ARB2A: variants seen among roughly 807,000 people sequenced by gnomAD.
ARB2A encodes the protein ARB2 cotranscriptional regulator A.
the ARB2A span, among the ~76,000 whole-genome samples, chr5:93,950,339 T>C: frequency 6.6e-6 from 1 of 152,218 alleles, no homozygotes; most frequent in Non-Finnish European, 1.5e-5. Context: ...ACCAACAGTG[T>C]ACAAAGGTTT....
the ARB2A span, among the ~76,000 whole-genome samples, chr5:94,109,749 G>A: frequency 6.6e-6 from 1 of 151,768 alleles, no homozygotes; most frequent in African/African-American, 2.4e-5. Flanking sequence ...TACTTGCGGA[G>A]CTCACTCCCT....
At chr5:93,643,581 G>A in the ARB2A span, among the ~76,000 whole-genome samples, 31 of 152,040 alleles carry the variant, frequency 2.0e-4, no homozygotes, top group Non-Finnish European at 3.8e-4. Flanking sequence ...TGCAACCTCC[G>A]CCTCCTGGGT....
chr5:93,659,512 C>G, the ARB2A span, among the ~76,000 whole-genome samples: 1 of 152,216 alleles, frequency 6.6e-6, no homozygotes, highest in East Asian at 1.9e-4. Flanking sequence ...CCAAAAGAAG[C>G]AGACATTATC....
At chr5:94,099,623 T>TAA in the ARB2A span, among the ~76,000 whole-genome samples, 1 of 22,154 alleles carries the variant, frequency 4.5e-5, no homozygotes. Flanking sequence ...TGACTCCGTC[T>TAA]CAAAAAAAAA....
At chr5:93,763,764 C>A in the ARB2A span, among the ~76,000 whole-genome samples, 2 of 152,182 alleles carry the variant, frequency 1.3e-5, no homozygotes, top group African/African-American at 4.8e-5. Flanking sequence ...AGCACCGCAG[C>A]ACACCTATTC....
the ARB2A span, among the ~76,000 whole-genome samples, chr5:94,061,487 C>T: frequency 2.0e-5 from 3 of 152,216 alleles, no homozygotes; most frequent in East Asian, 1.9e-4. Flanking sequence ...ATAAAAGGCA[C>T]ATAGATTTGA....
chr5:93,876,701 A>G, the ARB2A span, among the ~76,000 whole-genome samples: 1 of 152,104 alleles, frequency 6.6e-6, no homozygotes, highest in African/African-American at 2.4e-5. Flanking sequence ...AAAATAAAAT[A>G]GTTTCAGAAA....
chr5:93,889,275 T>C, the ARB2A span, among the ~76,000 whole-genome samples: 2 of 151,886 alleles, frequency 1.3e-5, no homozygotes, highest in South Asian at 4.1e-4. Context: ...TGTTTGAGGA[T>C]GTGTGTTTGT....
the ARB2A span, among the ~76,000 whole-genome samples, chr5:93,722,711 C>G: frequency 1.3e-5 from 2 of 152,066 alleles, no homozygotes; most frequent in African/African-American, 4.8e-5. Context: ...AAGGGGTTAA[C>G]TACACCTCAT....
the ARB2A span, among the ~76,000 whole-genome samples, chr5:93,640,005 C>A: frequency 4.3e-5 from 6 of 140,890 alleles, no homozygotes; most frequent in South Asian, 1.3e-3. Context: ...TGCAGTGAGC[C>A]GAGATCGTGT....
the ARB2A span, among the ~76,000 whole-genome samples, chr5:93,838,525 T>C: frequency 6.6e-6 from 1 of 151,848 alleles, no homozygotes; most frequent in Non-Finnish European, 1.5e-5. Context: ...GTTCTTTTTC[T>C]GTGACAGTGC....
chr5:93,736,770 A>G, the ARB2A span: 2 of 152,292 alleles, frequency 1.3e-5, no homozygotes, highest in East Asian at 1.9e-4. Context: ...CCTCGCATAT[A>G]AAACATTCAA....
At chr5:93,852,775 C>T in the ARB2A span, among the ~76,000 whole-genome samples, 7 of 151,992 alleles carry the variant, frequency 4.6e-5, no homozygotes, top group South Asian at 2.1e-4. Flanking sequence ...AGATATGCGG[C>T]GTTATTTCTG....
chr5:94,009,205 G>A, the ARB2A span, among the ~76,000 whole-genome samples: 109 of 152,064 alleles, frequency 7.2e-4, no homozygotes, highest in Non-Finnish European at 9.3e-4. Context: ...ATTTACAATA[G>A]TAATAAAGGA....
the ARB2A span, among the ~76,000 whole-genome samples, chr5:93,886,136 C>T: frequency 6.6e-6 from 1 of 151,656 alleles, no homozygotes; most frequent in East Asian, 1.9e-4. Context: ...GACTTATCCA[C>T]GTTAATTTAC....
chr5:93,897,573 A>C, the ARB2A span, among the ~76,000 whole-genome samples: 1 of 151,998 alleles, frequency 6.6e-6, no homozygotes, highest in Non-Finnish European at 1.5e-5. Context: ...AAGCTTAAAA[A>C]GTAGTTTTGA....
chr5:93,956,905 A>G, the ARB2A span, among the ~76,000 whole-genome samples: 1 of 152,200 alleles, frequency 6.6e-6, no homozygotes, highest in Admixed American at 6.5e-5. Flanking sequence ...TTACCATAAT[A>G]ATGTTCATAT....
At chr5:93,843,975 A>G in the ARB2A span, among the ~76,000 whole-genome samples, 1 of 152,146 alleles carries the variant, frequency 6.6e-6, no homozygotes, top group African/African-American at 2.4e-5. Context: ...ATATATGTAT[A>G]GAAAGGTACA....
the ARB2A span, among the ~76,000 whole-genome samples, chr5:93,749,837 C>T: frequency 1.3e-5 from 2 of 152,046 alleles, no homozygotes; most frequent in Non-Finnish European, 2.9e-5. Context: ...ACTAACTCTT[C>T]AATAACATTA....
Sources: gnomAD v4.1 joint callset for allele counts (sites outside exome capture counted in the v4.1 genomes callset) on GRCh38, gnomAD v4.1.1 for gene constraint, MANE v1.5 for transcripts, NCBI Gene and HGNC (gene_info 2026-07-23, HGNC 2026-07-21) for gene names.